Variants in CDH22 observed in about 807,000 individuals in gnomAD.
The protein encoded by CDH22 is cadherin 22, also known as cadherin-22.
In CDH22, 30 loss-of-function variants were observed where a neutral mutation model predicts 58.4. The observed-to-expected ratio is 0.51, with a 90% CI of 0.38 to 0.70. The LOEUF is 0.70. CDH22 is among the 30% of genes least tolerant of loss of function. The pLI is 0.00. For synonymous variants in CDH22, 513 were observed against 558.2 expected (o/e 0.92, Z 1.14); for missense variants, 1,014 against 1,233.9 (o/e 0.82, Z 2.67).
At chr20:46,263,235 A>C (rs1192476462) in intron 1 of CDH22, among the ~76,000 whole-genome samples, 1 of 152,170 alleles carries the variant, frequency 6.6e-6, no homozygotes, top group Non-Finnish European at 1.5e-5. Context: ...GAACGGAAGG[A>C]CACATGATGG....
intron 3 of CDH22, among the ~76,000 whole-genome samples, chr20:46,231,772 G>C (rs1216907298): frequency 1.3e-5 from 2 of 152,178 alleles, no homozygotes; most frequent in Non-Finnish European, 2.9e-5. Flanking sequence ...ATGGAGACTG[G>C]GTGGGCTTTG....
At position 46,217,654 on chromosome 20, in the gene CDH22, A is replaced by G. The variant is rs149977066; in HGVS notation, c.671-661T>C. Among the ~76,000 whole-genome samples the G allele has an allele frequency of 8.9e-3, 1,355 of 152,190 alleles. 19 individuals are homozygous for G. Among genetic ancestry groups the G allele is most frequent in the African/African-American group, 0.031 (1,299 of 41,508 alleles). On this transcript the variant is annotated intron_variant, in intron 4 of 11. Coordinates refer to ENST00000537909, the MANE Select transcript of CDH22 (RefSeq NM_021248.3). ...CAGAAATGCACATGGGCTCAGATACACTCACACATCCATACAGAAACACAC... is the reference window on the plus strand; with the variant it reads ...CAGAAATGCACATGGGCTCAGATACGCTCACACATCCATACAGAAACACAC...
intron 4 of CDH22, among the ~76,000 whole-genome samples, chr20:46,226,658 A>C (rs1441771421): frequency 1.3e-5 from 2 of 151,796 alleles, no homozygotes; most frequent in Non-Finnish European, 2.9e-5. Context: ...ATATCTGCCT[A>C]TCCTCCTGCC....
chr20:46,282,617 TG>T (rs2086555943), intron 1 of CDH22, among the ~76,000 whole-genome samples: 1 of 152,102 alleles, frequency 6.6e-6, no homozygotes, highest in Non-Finnish European at 1.5e-5. Flanking sequence ...CAGTGCGAAT[TG>T]GGTTCTTTTA....
intron 1 of CDH22, among the ~76,000 whole-genome samples, chr20:46,266,460 G>C (rs1017562181): frequency 6.6e-6 from 1 of 152,122 alleles, no homozygotes; most frequent in Admixed American, 6.5e-5. Flanking sequence ...GTGTGTGTCT[G>C]GGGCCTCCTA....
intron 1 of CDH22, among the ~76,000 whole-genome samples, chr20:46,282,980 C>T (rs532301767): frequency 6.6e-6 from 1 of 152,314 alleles, no homozygotes; most frequent in South Asian, 2.1e-4. Context: ...AGTCCAGAGA[C>T]CCAGGTTCAT....
chr20:46,243,343 A>C (rs1350972107), intron 2 of CDH22, among the ~76,000 whole-genome samples: 1 of 152,244 alleles, frequency 6.6e-6, no homozygotes, highest in Non-Finnish European at 1.5e-5. Context: ...ATTAATGGGC[A>C]TCTCTCTCTT....
intron 1 of CDH22, among the ~76,000 whole-genome samples, chr20:46,268,271 C>T (rs12480664): frequency 0.14 from 20,714 of 152,276 alleles, 1,801 homozygotes; most frequent in South Asian, 0.26. Flanking sequence ...CCAGCTGGGC[C>T]TGGCCCCGCT....
chr20:46,211,762 T>C (rs2086044897), intron 6 of CDH22, among the ~76,000 whole-genome samples: 1 of 151,984 alleles, frequency 6.6e-6, no homozygotes, highest in Non-Finnish European at 1.5e-5. Flanking sequence ...CAGTTAAGGA[T>C]GAACGGAGAT....
At chr20:46,187,017 T>TTGTCCTCATAGTA in intron 8 of CDH22, 70 bp from the exon 9 acceptor site, 1 of 1,478,588 alleles carries the variant, frequency 6.8e-7, no homozygotes, top group Non-Finnish European at 9.1e-7. Flanking sequence ...CTCTCTACTA[T>TTGTCCTCATAGTA]GAGGACAATA....
chr20:46,177,763 G>A (rs1313301212), intron 11 of CDH22, among the ~76,000 whole-genome samples, 183 bp downstream of exon 11: 1 of 152,178 alleles, frequency 6.6e-6, no homozygotes, highest in Non-Finnish European at 1.5e-5. Flanking sequence ...GTTGGTGGCG[G>A]GGCCGCTCTG....
chr20:46,200,066 C>T (rs1203418511), intron 7 of CDH22, among the ~76,000 whole-genome samples: 1 of 151,998 alleles, frequency 6.6e-6, no homozygotes, highest in Non-Finnish European at 1.5e-5. Flanking sequence ...CTCCGCCTCC[C>T]GGGTTCACGC....
intron 1 of CDH22, among the ~76,000 whole-genome samples, chr20:46,264,377 G>C (rs1248993950): frequency 2.0e-5 from 3 of 152,196 alleles, no homozygotes; most frequent in African/African-American, 4.8e-5. Flanking sequence ...TTCTGAGTCA[G>C]TGAGAATAAT....
At chr20:46,274,959 T>G (rs2086510269) in intron 1 of CDH22, among the ~76,000 whole-genome samples, 1 of 152,186 alleles carries the variant, frequency 6.6e-6, no homozygotes, top group Non-Finnish European at 1.5e-5. Context: ...GGAGATTGAC[T>G]GCAGATGGGC....
intron 1 of CDH22, among the ~76,000 whole-genome samples, chr20:46,307,527 G>A (rs1269358053): frequency 6.6e-6 from 1 of 152,186 alleles, no homozygotes; most frequent in African/African-American, 2.4e-5. Flanking sequence ...CTCCGGAGTC[G>A]GGTCCTAAGG....
chr20:46,177,023 G>C (rs2085745358), intron 11 of CDH22, among the ~76,000 whole-genome samples: 1 of 152,236 alleles, frequency 6.6e-6, no homozygotes, highest in African/African-American at 2.4e-5. Flanking sequence ...CCATGGGCTA[G>C]GGTGGGGGGA....
intron 1 of CDH22, among the ~76,000 whole-genome samples, chr20:46,293,481 G>C (rs913637232): frequency 6.6e-6 from 1 of 151,724 alleles, no homozygotes; most frequent in Non-Finnish European, 1.5e-5. Flanking sequence ...TGCAGTCTCC[G>C]ACCCAAGATA....
At chr20:46,307,699 T>A (rs1280343148) in intron 1 of CDH22, among the ~76,000 whole-genome samples, 3 of 151,698 alleles carry the variant, frequency 2.0e-5, no homozygotes, top group Non-Finnish European at 4.4e-5. Context: ...AGCCTCCGGG[T>A]GTCCCCGGAC....
chr20:46,208,729 G>A (rs2086018313), intron 7 of CDH22, among the ~76,000 whole-genome samples: 1 of 152,164 alleles, frequency 6.6e-6, no homozygotes, highest in African/African-American at 2.4e-5. Context: ...GAGTAGCTGT[G>A]ACTACAGGTG....
Sources: allele counts gnomAD v4.1 joint callset (sites outside exome capture counted in the v4.1 genomes callset), GRCh38; gene constraint gnomAD v4.1.1; transcripts MANE v1.5; gene names NCBI Gene and HGNC (gene_info 2026-07-23, HGNC 2026-07-21).